STAM: variants seen among roughly 807,000 people sequenced by gnomAD.
STAM encodes signal transducing adaptor molecule, also known as signal transducing adapter molecule 1.
Under a neutral mutation model 63.4 loss-of-function variants are expected in STAM, and 16 were observed. That is an observed-to-expected ratio of 0.25 (90% CI 0.17 to 0.38). The LOEUF (loss-of-function observed/expected upper bound fraction) is 0.38, where lower values mean the gene tolerates loss of function less well. Among genes scored for constraint, STAM ranks in the 10% least tolerant of loss-of-function variants. The pLI is 1.00. For synonymous variants in STAM, 238 were observed against 223.9 expected (o/e 1.06, Z -0.56); for missense variants, 636 against 657.1 (o/e 0.97, Z 0.35).
intron 1 of STAM, among the ~76,000 whole-genome samples, chr10:17,655,923 A>T (rs886071162): frequency 9.9e-5 from 15 of 151,230 alleles, no homozygotes; most frequent in African/African-American, 2.9e-4. Context: ...TGATTTTTTT[A>T]AAGTTTTTTT....
At chr10:17,692,681 T>C (rs1449397059) in intron 5 of STAM, among the ~76,000 whole-genome samples, 1 of 152,200 alleles carries the variant, frequency 6.6e-6, no homozygotes, top group Non-Finnish European at 1.5e-5. Context: ...GGCAGTGATA[T>C]ACTGTCAGAA....
chr10:17,669,975 C>G (rs1329410538), intron 2 of STAM, among the ~76,000 whole-genome samples: 1 of 151,340 alleles, frequency 6.6e-6, no homozygotes, highest in Non-Finnish European at 1.5e-5. Flanking sequence ...CGTGATCCGC[C>G]CATCTCGGCC....
chr10:17,707,217 G>T (rs1836326645), intron 12 of STAM, among the ~76,000 whole-genome samples: 1 of 152,042 alleles, frequency 6.6e-6, no homozygotes, highest in Non-Finnish European at 1.5e-5. Flanking sequence ...AGACCATCCT[G>T]GCTAACATGG....
chr10:17,649,495 AATTG>A (rs1272535763), intron 1 of STAM, among the ~76,000 whole-genome samples: 1 of 152,048 alleles, frequency 6.6e-6, no homozygotes, highest in African/African-American at 2.4e-5. Context: ...ACCTGACATT[AATTG>A]ATTGATTATC....
chr10:17,662,674 T>A (rs1423992625), intron 2 of STAM, among the ~76,000 whole-genome samples: 1 of 152,246 alleles, frequency 6.6e-6, no homozygotes, highest in Non-Finnish European at 1.5e-5. Context: ...TTTAGCTATG[T>A]CATACTGGGT....
At chr10:17,687,290 C>T (rs782301385) in intron 4 of STAM, among the ~76,000 whole-genome samples, 10 of 152,108 alleles carry the variant, frequency 6.6e-5, no homozygotes, top group Non-Finnish European at 1.0e-4. Context: ...GCCTGGCCAA[C>T]ATGGTAAAAC....
chr10:17,707,811 C>T (rs555387481), intron 12 of STAM, among the ~76,000 whole-genome samples: 1 of 150,896 alleles, frequency 6.6e-6, no homozygotes, highest in Admixed American at 6.6e-5. Context: ...GTAGTTAAGA[C>T]TTCAATCTCT....
intron 1 of STAM, among the ~76,000 whole-genome samples, chr10:17,655,832 C>T (rs1833914970): frequency 1.3e-5 from 2 of 152,144 alleles, no homozygotes; most frequent in Non-Finnish European, 2.9e-5. Flanking sequence ...TATCTTTCAG[C>T]ATATCTGCTC....
At chr10:17,666,117 T>G (rs2131592747) in intron 2 of STAM, among the ~76,000 whole-genome samples, 1 of 152,338 alleles carries the variant, frequency 6.6e-6, no homozygotes, top group South Asian at 2.1e-4. Flanking sequence ...AAGTTAAAAT[T>G]AAAGTTCTGT....
rs575062559 is a variant in STAM at position 17,654,988 on chromosome 10, T to A, written c.41-5476T>A. Among the ~76,000 whole-genome samples the A allele has an allele frequency of 2.6e-5, 4 of 152,350 alleles. No homozygotes were observed. In the South Asian group the frequency reaches 8.3e-4, roughly 32 times the overall value. On this transcript the variant is annotated intron_variant, in intron 1 of 13. Coordinates refer to ENST00000377524, the MANE Select transcript of STAM (RefSeq NM_003473.4). ...TTCTTTTCTGTTTTGATGACTTTAC[T>A]TTTTACTTTATTCACTTAATTAGAA...
At chr10:17,662,730 A>G (rs1221569712) in intron 2 of STAM, among the ~76,000 whole-genome samples, 1 of 152,208 alleles carries the variant, frequency 6.6e-6, no homozygotes, top group African/African-American at 2.4e-5. Flanking sequence ...TTACCACCTA[A>G]GAATAATAAT....
In STAM at chr10:17,714,608, C is replaced by T; in HGVS notation, c.1451C>T (p.Pro484Leu). The T allele has an allele frequency of 6.2e-7, 1 of 1,614,180 alleles. No homozygotes were observed. Among genetic ancestry groups the T allele is most frequent in the Non-Finnish European group, 8.5e-7 (1 of 1,180,044 alleles). The change falls in exon 14 of 14, where the codon CCT becomes CTT. Residue 484 changes from proline to leucine, a missense_variant. Pro to Leu is a moderately conservative substitution (Grantham distance 98, BLOSUM62 -3). This residue lies in a region of STAM where 532 missense variants were observed against 536.9 expected (regional missense o/e 0.99). Coordinates refer to ENST00000377524, the MANE Select transcript of STAM (RefSeq NM_003473.4). The part of the protein sequence containing the change: ...PSQAPVYSPP[P>L]AATAAAATAD... ...CAGGCGCCAGTATATAGTCCTCCTC[C>T]TGCCGCTACTGCTGCTGCTGCAACT...
At chr10:17,661,693 C>T (rs1834173596) in intron 2 of STAM, among the ~76,000 whole-genome samples, 1 of 152,128 alleles carries the variant, frequency 6.6e-6, no homozygotes, top group Non-Finnish European at 1.5e-5. Context: ...CTTGAGTCAC[C>T]TTCACATTTA....
intron 1 of STAM, among the ~76,000 whole-genome samples, chr10:17,647,054 G>C (rs549634055): frequency 1.5e-4 from 23 of 152,304 alleles, no homozygotes; most frequent in African/African-American, 5.1e-4. Context: ...AAGAAACACC[G>C]AAAGATGTTA....
intron 2 of STAM, among the ~76,000 whole-genome samples, chr10:17,676,940 A>G (rs1021629008): frequency 5.9e-5 from 9 of 152,170 alleles, no homozygotes; most frequent in Admixed American, 5.9e-4. Context: ...TCTGGTGGAA[A>G]TACTAAAAAC....
At chr10:17,711,334 G>A (rs997951943) in intron 13 of STAM, among the ~76,000 whole-genome samples, 1 of 152,098 alleles carries the variant, frequency 6.6e-6, no homozygotes, top group African/African-American at 2.4e-5. Flanking sequence ...GACAATTACT[G>A]TTAGTATTTT....
intron 2 of STAM, among the ~76,000 whole-genome samples, chr10:17,675,673 A>G (rs782800117): frequency 6.6e-6 from 1 of 152,208 alleles, no homozygotes; most frequent in Non-Finnish European, 1.5e-5. Flanking sequence ...TTCATGAAGC[A>G]GGGTCAGTCT....
intron 8 of STAM, among the ~76,000 whole-genome samples, chr10:17,699,266 A>G (rs1554828049): frequency 6.6e-6 from 1 of 152,244 alleles, no homozygotes; most frequent in African/African-American, 2.4e-5. Context: ...GAGGAAATGT[A>G]ATATTCCATC....
At chr10:17,666,650 G>T (rs1834399864) in intron 2 of STAM, among the ~76,000 whole-genome samples, 1 of 152,100 alleles carries the variant, frequency 6.6e-6, no homozygotes, top group Non-Finnish European at 1.5e-5. Context: ...GCCCGCCTTG[G>T]CCTCCCAAAG....
Sources: gnomAD v4.1 joint callset for allele counts (sites outside exome capture counted in the v4.1 genomes callset) on GRCh38, gnomAD v4.1.1 for gene constraint, gnomAD v4.1.1 regional missense constraint, MANE v1.5 for transcripts, NCBI Gene and HGNC (gene_info 2026-07-23, HGNC 2026-07-21) for gene names.